The following CREB5 variants were observed in gnomAD, a reference collection of about 807,000 sequenced individuals.
The protein encoded by CREB5 is cAMP responsive element binding protein 5, also known as cyclic AMP-responsive element-binding protein 5.
CREB5 carries 19 observed loss-of-function variants against 57.1 expected under a neutral mutation model. The ratio of observed to expected loss-of-function variants is 0.33; its 90% CI spans 0.23 to 0.49. CREB5 has a LOEUF of 0.49. Among genes scored for constraint, CREB5 ranks in the 20% least tolerant of loss-of-function variants. The pLI, the probability that CREB5 is intolerant of heterozygous loss-of-function variation, is 0.99. For missense variants in CREB5, 579 were observed against 671.6 expected, an observed-to-expected ratio of 0.86 and a Z score of 1.52; for synonymous variants, 238 against 238.3, an observed-to-expected ratio of 1.00 and a Z score of 0.01.
intron 6 of CREB5, among the ~76,000 whole-genome samples, chr7:28,720,895 A>C (rs1305036700): frequency 6.6e-6 from 1 of 152,198 alleles, no homozygotes; most frequent in Non-Finnish European, 1.5e-5. Context: ...TTTAAAAAAA[A>C]ATTTGGCTAA....
chr7:28,810,148 C>T (rs1006138482), intron 9 of CREB5, among the ~76,000 whole-genome samples: 1 of 151,836 alleles, frequency 6.6e-6, no homozygotes, highest in African/African-American at 2.4e-5. Flanking sequence ...CCAGGCTTCT[C>T]CAATAGACTT....
chr7:28,387,136 C>T (rs1787124626), intron 1 of CREB5, among the ~76,000 whole-genome samples: 1 of 152,152 alleles, frequency 6.6e-6, no homozygotes, highest in Admixed American at 6.5e-5. Flanking sequence ...ACCTCTAGGT[C>T]TTTGAGGAAT....
chr7:28,757,497 C>T (rs1805391316), intron 7 of CREB5, among the ~76,000 whole-genome samples: 1 of 152,014 alleles, frequency 6.6e-6, no homozygotes, highest in South Asian at 2.1e-4. Context: ...GCGGTGAAAC[C>T]CCGTCTCTAC....
At chr7:28,528,845 C>G (rs1404004829) in intron 4 of CREB5, among the ~76,000 whole-genome samples, 1 of 150,794 alleles carries the variant, frequency 6.6e-6, no homozygotes, top group African/African-American at 2.4e-5. Flanking sequence ...ATATTTATTT[C>G]CCTTCTTTGG....
chr7:28,326,526 C>T (rs565703451), intron 1 of CREB5, among the ~76,000 whole-genome samples: 50 of 152,292 alleles, frequency 3.3e-4, no homozygotes, highest in African/African-American at 1.2e-3. Context: ...TGCATTCATT[C>T]TGTCTGTTCA....
intron 7 of CREB5, among the ~76,000 whole-genome samples, chr7:28,780,727 G>C (rs1277118110): frequency 6.6e-6 from 1 of 152,022 alleles, no homozygotes. Context: ...AAGCTTTTTA[G>C]ATTCCCTGTA....
chr7:28,409,766 G>A, upstream of CREB5: 1 of 384,582 alleles, frequency 2.6e-6, no homozygotes, highest in South Asian at 1.9e-5. This position sits in a 1 kb window ranked among gnomAD's most constrained non-coding sequence, Gnocchi z 4.4. Context: ...TGGCCGCCGC[G>A]CCGCGCGCCT....
At chr7:28,392,348 G>T (rs1787235406) in intron 1 of CREB5, among the ~76,000 whole-genome samples, 1 of 152,170 alleles carries the variant, frequency 6.6e-6, no homozygotes, top group Non-Finnish European at 1.5e-5. Context: ...CTAAGGGACT[G>T]CTCTAAGCCT....
At chr7:28,761,502 G>C (rs1046800001) in intron 7 of CREB5, among the ~76,000 whole-genome samples, 1 of 152,168 alleles carries the variant, frequency 6.6e-6, no homozygotes, top group South Asian at 2.1e-4. Context: ...TTTAGCTACA[G>C]AGCAGGAACA....
chr7:28,754,493 G>A, intron 7 of CREB5, among the ~76,000 whole-genome samples: 1 of 152,206 alleles, frequency 6.6e-6, no homozygotes, highest in Admixed American at 6.5e-5. Flanking sequence ...CCTGCCACAA[G>A]ATCCATGAGG....
chr7:28,419,678 C>T (rs539037662), intron 1 of CREB5, among the ~76,000 whole-genome samples: 1 of 152,314 alleles, frequency 6.6e-6, no homozygotes, highest in South Asian at 2.1e-4. Flanking sequence ...TGCAAATGTG[C>T]TTATCATTTT....
chr7:28,386,156 T>C (rs1157212479), intron 1 of CREB5, among the ~76,000 whole-genome samples: 1 of 152,214 alleles, frequency 6.6e-6, no homozygotes, highest in Non-Finnish European at 1.5e-5. Context: ...TCTATTTTCC[T>C]TTCTGACATC....
At chr7:28,509,638 C>T (rs750218402) in intron 4 of CREB5, among the ~76,000 whole-genome samples, 7 of 152,138 alleles carry the variant, frequency 4.6e-5, no homozygotes, top group Admixed American at 2.0e-4. Flanking sequence ...ATACATGTTT[C>T]GTGAGTTGCT....
At chr7:28,760,265 C>T (rs1583685091) in intron 7 of CREB5, among the ~76,000 whole-genome samples, 1 of 152,170 alleles carries the variant, frequency 6.6e-6, no homozygotes, top group African/African-American at 2.4e-5. Context: ...AGTTTCCCCA[C>T]ACACCTCTTT....
intron 7 of CREB5, among the ~76,000 whole-genome samples, chr7:28,776,198 T>C (rs1475488345): frequency 6.6e-6 from 1 of 151,502 alleles, no homozygotes; most frequent in Non-Finnish European, 1.5e-5. Context: ...ATTAGCCGGG[T>C]GTGGTGGCGG....
chr7:28,668,915 C>T (rs539642603), intron 5 of CREB5, among the ~76,000 whole-genome samples: 10 of 152,290 alleles, frequency 6.6e-5, no homozygotes, highest in African/African-American at 1.9e-4. Flanking sequence ...CTTGCTGACC[C>T]TCAGTTCTAG....
At chr7:28,570,240 G>T (rs1583645193) in intron 4 of CREB5, 125 bp from the exon 5 acceptor site, 1 of 974,866 alleles carries the variant, frequency 1.0e-6, no homozygotes, top group South Asian at 1.7e-5. Context: ...CCTATGGCTT[G>T]CCGGAAGCCA....
intron 1 of CREB5, among the ~76,000 whole-genome samples, chr7:28,423,683 A>G (rs943998425): frequency 6.8e-6 from 1 of 147,670 alleles, no homozygotes; most frequent in Non-Finnish European, 1.5e-5. Context: ...ATTCTGGCCC[A>G]GTGCCCACAG....
chr7:28,771,680 C>T (rs1164659588), intron 7 of CREB5, among the ~76,000 whole-genome samples: 1 of 150,150 alleles, frequency 6.7e-6, no homozygotes, highest in Admixed American at 6.8e-5. Flanking sequence ...ATGGCAAGTA[C>T]CTAAAACAAA....
Sources: allele counts gnomAD v4.1 joint callset (sites outside exome capture counted in the v4.1 genomes callset), GRCh38; gene constraint gnomAD v4.1.1; non-coding constraint Gnocchi (gnomAD v3.1); transcripts MANE v1.5; gene names NCBI Gene and HGNC (gene_info 2026-07-23, HGNC 2026-07-21).